Variants in GALNT15 observed in about 807,000 individuals in gnomAD.
The protein encoded by GALNT15 is UDP-GalNAc transferase T15.
A neutral mutation model predicts 66.8 loss-of-function variants in GALNT15; 67 were observed. That is an observed-to-expected ratio of 1.00 (90% CI 0.82 to 1.23). The LOEUF (loss-of-function observed/expected upper bound fraction) is 1.23. Among genes scored for constraint, GALNT15 ranks in the 50% most tolerant of loss-of-function variants. The pLI, the probability that GALNT15 is intolerant of heterozygous loss-of-function variation, is 0.00. For synonymous variants in GALNT15, 313 were observed against 311.5 expected (o/e 1.00, Z -0.05); for missense variants, 827 against 804.3 (o/e 1.03, Z -0.34).
chr3:16,232,409 C>A (rs564644993), downstream of GALNT15, among the ~76,000 whole-genome samples: 8 of 138,984 alleles, frequency 5.8e-5, no homozygotes, highest in East Asian at 1.5e-3. Context: ...CTACAAAAAA[C>A]AAAACCAAAA....
rs1164976010 is a variant in GALNT15 at position 16,203,543 on chromosome 3, TCACACACACA to T, written c.911+2757_911+2766del. Among the ~76,000 whole-genome samples the T allele has an allele frequency of 4.6e-4, 28 of 61,160 alleles. No homozygotes were observed. Among genetic ancestry groups the T allele is most frequent in the African/African-American group, 1.1e-3 (21 of 18,312 alleles). 40.1% of individuals were successfully genotyped at this position (61,160 alleles called of 152,430 possible). A position where few individuals can be genotyped will look rare whatever the true frequency, so the allele number is the denominator to read the frequency against. The stretch of plus-strand genomic sequence containing the variant: ...CATTCTCTCTCTCTCTCTCTCTCTC[TCACACACACA>T]CACACACACACACACACACACACAC... On this transcript the variant is annotated intron_variant, in intron 3 of 9. Transcript: ENST00000339732. The surrounding 1 kb of genome is among the most constrained non-coding windows in gnomAD (Gnocchi z 6.2).
Position 16,195,056 on chromosome 3 carries a change from A to G in GALNT15, c.540-704A>G, listed in dbSNP as rs2063618084. Among the ~76,000 whole-genome samples the G allele has an allele frequency of 6.6e-6, 1 of 152,220 alleles. No individual in the cohort carries two copies. The highest frequency in any genetic ancestry group is 2.4e-5 in the African/African-American group (1 of 41,452). ...CCAGGTGCTATGCTAGGTTGTAGGA[A>G]CATAAAAATAAAGAAAATAGTGTCC... On this transcript the variant is annotated intron_variant, in intron 1 of 9. Transcript: ENST00000339732. The surrounding 1 kb of genome is among the most constrained non-coding windows in gnomAD (Gnocchi z 4.6).
chr3:16,210,178 G>A (rs1018168), intron 4 of GALNT15, among the ~76,000 whole-genome samples: 2 of 151,958 alleles, frequency 1.3e-5, no homozygotes, highest in African/African-American at 4.8e-5. Context: ...TAGTCATCCC[G>A]CAAAACCCAA....
chr3:16,203,547 A>ACC lies in GALNT15; in HGVS notation c.911+2725_911+2726insCC, dbSNP rs1312728199. Among the ~76,000 whole-genome samples the ACC allele has an allele frequency of 2.1e-5, 1 of 46,876 alleles. No individual in the cohort carries two copies. Among genetic ancestry groups the ACC allele is most frequent in the African/African-American group, 6.2e-5 (1 of 16,038 alleles). 30.8% of individuals were successfully genotyped at this position (46,876 alleles called of 152,430 possible). On this transcript the variant is annotated intron_variant, in intron 3 of 9. Coordinates refer to ENST00000339732, the MANE Select transcript of GALNT15 (RefSeq NM_054110.5). This position sits in a 1 kb window ranked among gnomAD's most constrained non-coding sequence, Gnocchi z 6.2. The stretch of plus-strand genomic sequence containing the variant: ...CTCTCTCTCTCTCTCTCTCTCTCAC[A>ACC]CACACACACACACACACACACACAC...
Position 16,227,238 on chromosome 3 carries a change from C to A in GALNT15, c.1774-116C>A. The A allele has an allele frequency of 2.8e-6, 3 of 1,069,630 alleles. No homozygotes were observed. Among genetic ancestry groups the A allele is most frequent in the Non-Finnish European group, 4.0e-6 (3 of 747,824 alleles). The allele number at this position is 1,069,630 out of a possible 1,614,324, so 66.3% of individuals were successfully genotyped here. On this transcript the variant is annotated intron_variant, in intron 9 of 9. Transcript: ENST00000339732. This position sits in a 1 kb window ranked among gnomAD's most constrained non-coding sequence, Gnocchi z 4.5. The stretch of plus-strand genomic sequence containing the variant: ...CAAAATACCACAATTCCTTTCCAGG[C>A]CAGTTCACACCATCTGTTATTCTCT...
rs1364869447 is a variant in GALNT15, at chr3:16,187,100, CA to C, written c.540-8654del. 2.0e-5 allele frequency among the ~76,000 whole-genome samples: 3 copies of C among 151,868 alleles called. No individual in the cohort carries two copies. Among genetic ancestry groups the C allele is most frequent in the African/African-American group, 7.3e-5 (3 of 41,340 alleles). On this transcript the variant is annotated intron_variant, in intron 1 of 9. Coordinates refer to ENST00000339732, the MANE Select transcript of GALNT15 (RefSeq NM_054110.5). This position sits in a 1 kb window ranked among gnomAD's most constrained non-coding sequence, Gnocchi z 5.1. ...CCAACATGGTGAAACCCCGTCTCTA[CA>C]AAAAATACAAAAATTAGCGAGGCAT...
intron 3 of GALNT15, among the ~76,000 whole-genome samples, chr3:16,201,270 C>T (rs966369359): frequency 6.6e-6 from 1 of 152,130 alleles, no homozygotes; most frequent in Admixed American, 6.5e-5. Context: ...CAAGCTGCGC[C>T]TCCCGGGTTC....
In GALNT15 at chr3:16,211,029, C is replaced by A; in HGVS notation, c.1080-95C>A. ...TGAGCCTAAAGCCTGTTCTCTCAGC[C>A]ACTGGAGCTCCCACCTGGGAAGCCC... On this transcript the variant is annotated intron_variant, in intron 4 of 9. Transcript: ENST00000339732. The surrounding 1 kb of genome is among the most constrained non-coding windows in gnomAD (Gnocchi z 4.3). The A allele has an allele frequency of 2.4e-6, 2 of 827,092 alleles. No homozygotes were observed. The highest frequency in any genetic ancestry group is 2.4e-5 in the East Asian group (1 of 40,830). The allele number at this position is 827,092 out of a possible 1,614,324, so 51.2% of individuals were successfully genotyped here.
downstream of GALNT15, among the ~76,000 whole-genome samples, chr3:16,234,494 G>A (rs759476185): frequency 1.3e-5 from 2 of 152,118 alleles, no homozygotes; most frequent in Admixed American, 6.5e-5. Flanking sequence ...GCTCTGAGGT[G>A]CATGTTCTAC....
At chr3:16,231,853 C>A (rs1381399654), downstream of GALNT15, 3 of 1,536,224 alleles carry the variant, frequency 2.0e-6, no homozygotes, top group Non-Finnish European at 2.6e-6. The surrounding 1 kb of genome is among the most constrained non-coding windows in gnomAD (Gnocchi z 4.1). Flanking sequence ...AACTTTTCAG[C>A]AGATTGTGAA....
rs913321124 is a variant in GALNT15, at chr3:16,187,704, C to T, written c.540-8056C>T. ...GGCTGACTCACATTATAAAGAAACACGATGAACAGATATGTTGTGACCATC... is the reference window on the plus strand; with the variant it reads ...GGCTGACTCACATTATAAAGAAACATGATGAACAGATATGTTGTGACCATC... On this transcript the variant is annotated intron_variant, in intron 1 of 9. Coordinates refer to ENST00000339732, the MANE Select transcript of GALNT15 (RefSeq NM_054110.5). The surrounding 1 kb of genome is among the most constrained non-coding windows in gnomAD (Gnocchi z 5.1). Among the ~76,000 whole-genome samples the T allele has an allele frequency of 1.3e-5, 2 of 152,088 alleles. No homozygotes were observed. Among genetic ancestry groups the T allele is most frequent in the African/African-American group, 4.8e-5 (2 of 41,400 alleles).
In GALNT15 at chr3:16,204,417, G is replaced by A. The variant is rs77291026; in HGVS notation, c.911+3594G>A. Among the ~76,000 whole-genome samples, 360 of 152,226 alleles carry A rather than the reference G, an allele frequency of 2.4e-3. 1 individual carries two copies. The highest frequency in any genetic ancestry group is 8.3e-3 in the African/African-American group (343 of 41,534). ...GATGTTCTCTTGGGTTGCACAGTGC[G>A]CAACTCCTGTAACTGTTCATAGCAA... On this transcript the variant is annotated intron_variant, in intron 3 of 9. Transcript: ENST00000339732. This position sits in a 1 kb window ranked among gnomAD's most constrained non-coding sequence, Gnocchi z 4.5.
chr3:16,212,767 A>G lies in GALNT15; in HGVS notation c.1392+4A>G. 2 of 1,611,066 alleles carry G rather than the reference A, an allele frequency of 1.2e-6. No individual in the cohort carries two copies. The highest frequency in any genetic ancestry group is 1.7e-6 in the Non-Finnish European group (2 of 1,178,674). On this transcript the variant is annotated splice_donor_region_variant and intron_variant, in intron 6 of 9. Transcript: ENST00000339732. ...AGAGGCCTTCTCCTTGAGCAAGGTA[A>G]GGAGAGAGCCAAGTGGGGCTTCTGT...
chr3:16,244,541 G>A, the GALNT15 span, among the ~76,000 whole-genome samples: 1 of 152,232 alleles, frequency 6.6e-6, no homozygotes, highest in African/African-American at 2.4e-5. Flanking sequence ...ACGCCATTGG[G>A]CAAATCCAAG....
At chr3:16,192,293 C>T (rs755371179) in intron 1 of GALNT15, among the ~76,000 whole-genome samples, 27 of 152,204 alleles carry the variant, frequency 1.8e-4, no homozygotes, top group Non-Finnish European at 3.1e-4. Flanking sequence ...AGGAGCCAGG[C>T]ATGGCTGGCA....
chr3:16,206,299 T>C (rs2063756235), intron 3 of GALNT15, among the ~76,000 whole-genome samples: 1 of 150,936 alleles, frequency 6.6e-6, no homozygotes, highest in Admixed American at 6.6e-5. Context: ...TGAAGAATCC[T>C]TGGGCCTGGG....
chr3:16,245,623 G>A, the GALNT15 span, among the ~76,000 whole-genome samples: 2 of 152,350 alleles, frequency 1.3e-5, no homozygotes, highest in South Asian at 4.1e-4. Context: ...GTTTGGTCCT[G>A]TAGAAGCAGG....
Position 16,227,437 on chromosome 3 carries a change from G to A in GALNT15, c.1857G>A (p.Pro619=), listed in dbSNP as rs747723855. 4.1e-5 allele frequency: 66 copies of A among 1,613,992 alleles called. No homozygotes were observed. Among genetic ancestry groups the A allele is most frequent in the East Asian group, 2.0e-4 (9 of 44,892 alleles). Residue 619 remains proline, a synonymous_variant, in exon 10 of 10, where the codon CCG becomes CCA. Transcript: ENST00000339732. This position sits in a 1 kb window ranked among gnomAD's most constrained non-coding sequence, Gnocchi z 4.5. ...QENNKDLYLR[P]CDGKARQQWR... is the part of the protein sequence containing the mutation. ...ACAATAAAGATTTGTACCTGCGTCC[G>A]TGTGATGGAAAAGCCCGCCAGCAGT...
chr3:16,227,240 A>T lies in GALNT15; in HGVS notation c.1774-114A>T. On this transcript the variant is annotated intron_variant, in intron 9 of 9. Coordinates refer to ENST00000339732, the MANE Select transcript of GALNT15 (RefSeq NM_054110.5). This position sits in a 1 kb window ranked among gnomAD's most constrained non-coding sequence, Gnocchi z 4.5. ...AAATACCACAATTCCTTTCCAGGCCAGTTCACACCATCTGTTATTCTCTTA... is the reference window on the plus strand; with the variant it reads ...AAATACCACAATTCCTTTCCAGGCCTGTTCACACCATCTGTTATTCTCTTA... The T allele has an allele frequency of 9.1e-7, 1 of 1,094,682 alleles. No individual in the cohort carries two copies. Among genetic ancestry groups the T allele is most frequent in the Non-Finnish European group, 1.3e-6 (1 of 767,926 alleles). 67.8% of individuals were successfully genotyped at this position (1,094,682 alleles called of 1,614,324 possible).
Sources: allele counts gnomAD v4.1 joint callset (sites outside exome capture counted in the v4.1 genomes callset), GRCh38; gene constraint gnomAD v4.1.1; non-coding constraint Gnocchi (gnomAD v3.1); transcripts MANE v1.5; gene names NCBI Gene and HGNC (gene_info 2026-07-23, HGNC 2026-07-21).